Variants in PCCA observed in about 807,000 individuals in gnomAD.
PCCA encodes propionyl-CoA carboxylase subunit alpha.
Under a neutral mutation model 101.3 loss-of-function variants are expected in PCCA, and 74 were observed. The observed-to-expected ratio is 0.73, with a 90% CI of 0.61 to 0.89. PCCA has a LOEUF of 0.89. Ranked by LOEUF, PCCA falls within the 40% of genes least tolerant of loss-of-function variation. The pLI, the probability that PCCA is intolerant of heterozygous loss-of-function variation, is 0.00. For synonymous variants in PCCA, 294 were observed against 313.6 expected (o/e 0.94, Z 0.66); for missense variants, 891 against 907.0 (o/e 0.98, Z 0.23).
rs2088305724 is a variant in PCCA at position 100,530,235 on chromosome 13, G to C, written c.*69G>C. 3 of 1,234,502 alleles carry C rather than the reference G, an allele frequency of 2.4e-6. No homozygotes were observed. The highest frequency in any genetic ancestry group is 1.2e-6 in the Non-Finnish European group (1 of 837,038). The allele number at this position is 1,234,502 out of a possible 1,614,324, so 76.5% of individuals were successfully genotyped here. ...TTGCATGATGCTTTCACACACAATT[G>C]ATTCAAGCATTATACAGGAACACCC... On this transcript the variant is annotated 3_prime_UTR_variant, in exon 24 of 24. Transcript: ENST00000376285.
intron 19 of PCCA, among the ~76,000 whole-genome samples, chr13:100,370,057 T>C (rs2075467468): frequency 6.6e-6 from 1 of 151,164 alleles, no homozygotes; most frequent in Non-Finnish European, 1.5e-5. Flanking sequence ...CTAGATTACT[T>C]TTCAGAGCTG....
At chr13:100,421,808 C>G (rs138174188) in intron 19 of PCCA, among the ~76,000 whole-genome samples, 2,588 of 152,136 alleles carry the variant, frequency 0.017, 71 homozygotes, top group African/African-American at 0.059. Flanking sequence ...CCTCAGCCTC[C>G]CGAGTAGCTG....
intron 10 of PCCA, among the ~76,000 whole-genome samples, chr13:100,266,695 T>G (rs1036645225): frequency 2.0e-5 from 3 of 152,180 alleles, no homozygotes; most frequent in African/African-American, 7.2e-5. Flanking sequence ...CTATGTCCTT[T>G]CCACAATGAA....
intron 21 of PCCA, 25 bp downstream of exon 21, chr13:100,449,330 C>G (rs771111789): frequency 1.4e-6 from 2 of 1,397,782 alleles, no homozygotes; most frequent in Non-Finnish European, 2.0e-6. Context: ...ATTCTTTATT[C>G]TCTTAATTTA....
At chr13:100,337,473 C>G (rs1473000627) in intron 17 of PCCA, among the ~76,000 whole-genome samples, 1 of 152,194 alleles carries the variant, frequency 6.6e-6, no homozygotes, top group Non-Finnish European at 1.5e-5. Flanking sequence ...GTCAAGTCCA[C>G]TCTGGCCTGT....
chr13:100,281,569 C>G (rs2064124988), intron 12 of PCCA, among the ~76,000 whole-genome samples: 1 of 152,106 alleles, frequency 6.6e-6, no homozygotes, highest in Admixed American at 6.5e-5. Context: ...TGGTAATACT[C>G]AGAATTTATA....
chr13:100,400,150 G>A (rs1017055419), intron 19 of PCCA, among the ~76,000 whole-genome samples: 3 of 152,192 alleles, frequency 2.0e-5, no homozygotes, highest in Non-Finnish European at 2.9e-5. Context: ...GCTTTGAGTG[G>A]ATAAGTTTTG....
intron 10 of PCCA, among the ~76,000 whole-genome samples, chr13:100,263,515 G>T (rs1021941835): frequency 1.3e-5 from 2 of 152,110 alleles, no homozygotes; most frequent in Non-Finnish European, 2.9e-5. Context: ...TTTTCTGACA[G>T]GGGCATGATA....
chr13:100,431,786 A>T (rs1180291218), intron 20 of PCCA, among the ~76,000 whole-genome samples: 1 of 152,174 alleles, frequency 6.6e-6, no homozygotes, highest in Non-Finnish European at 1.5e-5. Context: ...GAATGGTGTG[A>T]ACCCAGGAGG....
intron 6 of PCCA, among the ~76,000 whole-genome samples, chr13:100,183,561 A>G (rs2056988166): frequency 6.6e-6 from 1 of 152,200 alleles, no homozygotes; most frequent in African/African-American, 2.4e-5. Context: ...GTGCCCAGAA[A>G]GGCTTCATGA....
chr13:100,265,313 G>C (rs891104934), intron 10 of PCCA, among the ~76,000 whole-genome samples: 3 of 152,030 alleles, frequency 2.0e-5, no homozygotes, highest in African/African-American at 4.8e-5. Context: ...TGTGAGGCAG[G>C]GTCAGAGTAA....
intron 21 of PCCA, among the ~76,000 whole-genome samples, chr13:100,478,280 G>C (rs2083583409): frequency 6.6e-6 from 1 of 152,192 alleles, no homozygotes; most frequent in Non-Finnish European, 1.5e-5. Flanking sequence ...ATTGTGGCCT[G>C]TGGTCAGTGG....
intron 6 of PCCA, among the ~76,000 whole-genome samples, chr13:100,175,445 G>A (rs890005104): frequency 3.3e-5 from 5 of 152,142 alleles, no homozygotes; most frequent in Non-Finnish European, 1.5e-5. Context: ...CATCTATAAG[G>A]TAGTGAGAGT....
At chr13:100,109,059 T>G (rs942171375) in intron 2 of PCCA, among the ~76,000 whole-genome samples, 1 of 152,200 alleles carries the variant, frequency 6.6e-6, no homozygotes, top group African/African-American at 2.4e-5. Context: ...TTTCCCCAGT[T>G]AGACAGATAG....
intron 4 of PCCA, among the ~76,000 whole-genome samples, chr13:100,146,892 C>G (rs1219892710): frequency 6.9e-6 from 1 of 144,346 alleles, no homozygotes; most frequent in African/African-American, 2.9e-5. Flanking sequence ...CTTATTGCAG[C>G]GCACAATACC....
At chr13:100,398,318 C>T (rs1003067038) in intron 19 of PCCA, among the ~76,000 whole-genome samples, 4 of 152,136 alleles carry the variant, frequency 2.6e-5, no homozygotes, top group Non-Finnish European at 5.9e-5. Flanking sequence ...TATATGCATA[C>T]CACAGCACAT....
At chr13:100,090,507 G>T (rs1297981793) in intron 1 of PCCA, among the ~76,000 whole-genome samples, 1 of 152,112 alleles carries the variant, frequency 6.6e-6, no homozygotes, top group Non-Finnish European at 1.5e-5. Flanking sequence ...TTCCTTGGGC[G>T]TCAGCTTCGT....
At chr13:100,376,396 T>C (rs535927148) in intron 19 of PCCA, among the ~76,000 whole-genome samples, 4 of 152,286 alleles carry the variant, frequency 2.6e-5, no homozygotes, top group Non-Finnish European at 5.9e-5. Context: ...GATCTGCTGC[T>C]CTCTTCAGAG....
At chr13:100,149,236 G>C (rs2052988862) in intron 4 of PCCA, 1 of 147,388 alleles carries the variant, frequency 6.8e-6, no homozygotes, top group Non-Finnish European at 1.5e-5. Flanking sequence ...TAGTCTTTCA[G>C]GGTAATTTTC....
Sources: allele counts gnomAD v4.1 joint callset (sites outside exome capture counted in the v4.1 genomes callset), GRCh38; gene constraint gnomAD v4.1.1; transcripts MANE v1.5; gene names NCBI Gene and HGNC (gene_info 2026-07-23, HGNC 2026-07-21).